Variants in RARB observed in about 807,000 individuals in gnomAD.
The protein encoded by RARB is HBV-activated protein.
A neutral mutation model predicts 51.9 loss-of-function variants in RARB; 17 were observed. The observed-to-expected ratio is 0.33, with a 90% CI of 0.22 to 0.49. The LOEUF is 0.49. RARB is among the 20% of genes least tolerant of loss of function. The pLI is 0.99. For missense variants in RARB, 369 were observed against 550.8 expected, an observed-to-expected ratio of 0.67 and a Z score of 3.30; for synonymous variants, 215 against 195.4, an observed-to-expected ratio of 1.10 and a Z score of -0.84.
At chr3:24,830,714 C>T (rs553974254) in intron 1 of RARB, among the ~76,000 whole-genome samples, 75 of 151,778 alleles carry the variant, frequency 4.9e-4, no homozygotes, top group African/African-American at 1.7e-3. Context: ...GAGGGGGTCC[C>T]TGTCCTGCCA....
intron 2 of RARB, among the ~76,000 whole-genome samples, chr3:25,494,058 G>T (rs1251850370): frequency 6.6e-6 from 1 of 152,150 alleles, no homozygotes; most frequent in Non-Finnish European, 1.5e-5. Context: ...GATACCCAGA[G>T]CTCAATATCT....
intron 2 of RARB, among the ~76,000 whole-genome samples, chr3:25,043,386 C>A (rs577751643): frequency 1.3e-5 from 2 of 152,216 alleles, no homozygotes; most frequent in African/African-American, 4.8e-5. Context: ...GTAATAAATA[C>A]ACCGGCAACA....
chr3:25,332,973 T>G (rs903954163), intron 5 of RARB, among the ~76,000 whole-genome samples: 1 of 152,100 alleles, frequency 6.6e-6, no homozygotes, highest in Admixed American at 6.6e-5. Context: ...GTACAAGGGA[T>G]GTGAAGGACC....
chr3:25,504,419 C>T (rs923481758), intron 3 of RARB, among the ~76,000 whole-genome samples: 52 of 152,118 alleles, frequency 3.4e-4, no homozygotes, highest in African/African-American at 1.2e-3. Context: ...CTTCTGTGAA[C>T]GCATTGCTTT....
At chr3:25,179,276 A>G (rs976081293) in intron 5 of RARB, among the ~76,000 whole-genome samples, 7 of 152,184 alleles carry the variant, frequency 4.6e-5, no homozygotes, top group African/African-American at 1.7e-4. Flanking sequence ...CATGTTAGGG[A>G]CAATTGGCTC....
intron 2 of RARB, among the ~76,000 whole-genome samples, chr3:24,929,993 C>G (rs1011783335): frequency 6.6e-6 from 1 of 151,980 alleles, no homozygotes; most frequent in East Asian, 1.9e-4. Context: ...AGTATGATAG[C>G]TCAGTAAGTT....
chr3:24,941,384 T>G (rs1695663847), intron 2 of RARB, among the ~76,000 whole-genome samples: 1 of 152,098 alleles, frequency 6.6e-6, no homozygotes, highest in African/African-American at 2.4e-5. Flanking sequence ...CTTTTTTTTT[T>G]TTTGAGACAG....
At chr3:25,492,717 T>C (rs1276983371) in intron 2 of RARB, among the ~76,000 whole-genome samples, 1 of 152,236 alleles carries the variant, frequency 6.6e-6, no homozygotes, top group East Asian at 1.9e-4. Context: ...CTCTGCCTTC[T>C]TTAGAACCAT....
At chr3:25,066,856 A>C (rs1698674165) in intron 3 of RARB, among the ~76,000 whole-genome samples, 1 of 152,112 alleles carries the variant, frequency 6.6e-6, no homozygotes, top group Admixed American at 6.5e-5. Context: ...CTGAAAAGCT[A>C]TTCTCCTGTA....
intron 2 of RARB, among the ~76,000 whole-genome samples, chr3:24,912,261 C>T (rs1357883247): frequency 2.6e-5 from 4 of 152,112 alleles, no homozygotes; most frequent in African/African-American, 9.7e-5. Flanking sequence ...CCTACTTCTT[C>T]CATGTTTTAT....
intron 2 of RARB, among the ~76,000 whole-genome samples, chr3:24,968,323 A>ATCT (rs1404670740): frequency 6.6e-6 from 1 of 152,096 alleles, no homozygotes; most frequent in African/African-American, 2.4e-5. Context: ...TGGGTACAAG[A>ATCT]TCTTCATTCT....
chr3:25,191,447 T>C (rs921495150), intron 5 of RARB, among the ~76,000 whole-genome samples: 2 of 152,124 alleles, frequency 1.3e-5, no homozygotes, highest in Non-Finnish European at 2.9e-5. Context: ...GCAAGTGCCA[T>C]ATTATCTCCT....
intron 3 of RARB, among the ~76,000 whole-genome samples, chr3:25,119,835 C>T (rs762921788): frequency 2.0e-4 from 31 of 151,952 alleles, no homozygotes; most frequent in East Asian, 1.9e-3. Flanking sequence ...ATTTTATCAC[C>T]GAAAAATGAA....
intron 5 of RARB, among the ~76,000 whole-genome samples, chr3:25,219,392 A>G (rs527773908): frequency 6.6e-6 from 1 of 152,340 alleles, no homozygotes; most frequent in Admixed American, 6.5e-5. Context: ...GCAGAAGAAT[A>G]ACTACGTAAT....
At chr3:25,170,656 C>T (rs1034793711) in intron 4 of RARB, among the ~76,000 whole-genome samples, 9 of 152,020 alleles carry the variant, frequency 5.9e-5, no homozygotes, top group Non-Finnish European at 1.3e-4. Context: ...AAACTTAATA[C>T]AAAAATGACC....
At chr3:25,323,957 G>A (rs1012849367) in intron 5 of RARB, among the ~76,000 whole-genome samples, 1 of 152,120 alleles carries the variant, frequency 6.6e-6, no homozygotes, top group Non-Finnish European at 1.5e-5. Flanking sequence ...AGCACATGAA[G>A]AAAGCTCTGC....
chr3:24,984,555 C>T (rs1696746538), intron 2 of RARB, among the ~76,000 whole-genome samples: 1 of 152,070 alleles, frequency 6.6e-6, no homozygotes, highest in Non-Finnish European at 1.5e-5. Context: ...AAACCGAATA[C>T]ACAGAGAGTA....
At chr3:24,905,980 T>C (rs1223406324) in intron 2 of RARB, among the ~76,000 whole-genome samples, 5 of 152,242 alleles carry the variant, frequency 3.3e-5, no homozygotes. Context: ...ATATTGACTT[T>C]TTCTAGTCTG....
At chr3:25,285,970 C>T (rs1703640627) in intron 5 of RARB, among the ~76,000 whole-genome samples, 1 of 152,072 alleles carries the variant, frequency 6.6e-6, no homozygotes, top group Non-Finnish European at 1.5e-5. Flanking sequence ...TTGTTAAACC[C>T]CATCACTTTT....
Sources: gnomAD v4.1 joint callset for allele counts (sites outside exome capture counted in the v4.1 genomes callset) on GRCh38, gnomAD v4.1.1 for gene constraint, MANE v1.5 for transcripts, NCBI Gene and HGNC (gene_info 2026-07-23, HGNC 2026-07-21) for gene names.